INPP5D: variants seen among roughly 807,000 people sequenced by gnomAD.
INPP5D encodes phosphatidylinositol 3,4,5-trisphosphate 5-phosphatase 1.
INPP5D carries 33 observed loss-of-function variants against 122.9 expected under a neutral mutation model. That is an observed-to-expected ratio of 0.27 (90% CI 0.20 to 0.36). The LOEUF is 0.36. Ranked by LOEUF, INPP5D falls within the 10% of genes least tolerant of loss-of-function variation. The pLI is 1.00. For synonymous variants in INPP5D, 584 were observed against 576.2 expected (o/e 1.01, Z -0.19); for missense variants, 1,053 against 1,412.7 (o/e 0.75, Z 4.08).
intron 24 of INPP5D, 93 bp downstream of exon 24, chr2:233,195,588 C>T: frequency 6.4e-7 from 1 of 1,569,562 alleles, no homozygotes. Flanking sequence ...GGTTCACGCC[C>T]ATAATCCCGG....
At chr2:233,067,237 A>ATAG (rs1255553023) in intron 1 of INPP5D, among the ~76,000 whole-genome samples, 1 of 152,244 alleles carries the variant, frequency 6.6e-6, no homozygotes, top group Non-Finnish European at 1.5e-5. Context: ...CCCTGGCAGC[A>ATAG]ACTAAATGAC....
chr2:233,163,842 A>G lies in INPP5D; in HGVS notation c.1376A>G (p.Lys459Arg). 1.2e-6 allele frequency: 2 copies of G among 1,613,996 alleles called. No homozygotes were observed. Among genetic ancestry groups the G allele is most frequent in the Non-Finnish European group, 1.7e-6 (2 of 1,179,876 alleles). Residue 459 changes from lysine (K) to arginine (R), a missense_variant, in exon 12 of 27, where the codon AAG becomes AGG. By Grantham distance (26) the Lys-to-Arg change is conservative. Around this residue, in one of 6 missense-constraint regions of INPP5D, gnomAD observed 105 missense variants for 199.8 expected, o/e 0.53. Transcript: ENST00000445964. Reference sequence around the variant, plus strand: ...ACCCAAGAGGACCCCCTGAGTGAGAAGGAGTGGCTGGAGATCCTCAAACAC... The same window carrying G: ...ACCCAAGAGGACCCCCTGAGTGAGAGGGAGTGGCTGGAGATCCTCAAACAC... Reference protein sequence around the residue: ...IGTQEDPLSEKEWLEILKHSL... With the variant: ...IGTQEDPLSEREWLEILKHSL...
At chr2:233,193,381 G>T (rs960923480) in intron 22 of INPP5D, among the ~76,000 whole-genome samples, 1 of 152,210 alleles carries the variant, frequency 6.6e-6, no homozygotes, top group African/African-American at 2.4e-5. Context: ...ATCTGCTGGA[G>T]AGGGTACCCT....
chr2:233,182,204 G>A (rs1215456522), intron 18 of INPP5D, among the ~76,000 whole-genome samples: 20 of 152,180 alleles, frequency 1.3e-4, no homozygotes, highest in Admixed American at 1.3e-3. Flanking sequence ...ATGAGCACAG[G>A]CTTCTTCTGT....
At chr2:233,145,998 G>T (rs1378400601) in intron 6 of INPP5D, 164 bp from the exon 7 acceptor site, 1 of 701,698 alleles carries the variant, frequency 1.4e-6, no homozygotes, top group Non-Finnish European at 2.6e-6. Context: ...TGAGAAGATT[G>T]TAGAGATCCC....
intron 18 of INPP5D, among the ~76,000 whole-genome samples, chr2:233,179,177 T>C (rs1357742151): frequency 6.6e-6 from 1 of 152,104 alleles, no homozygotes; most frequent in African/African-American, 2.4e-5. Flanking sequence ...GCCAGGGCAT[T>C]GTTCCAGCTT....
rs916972298 is a variant in INPP5D, at chr2:233,158,329, G to A, written c.1047G>A (p.Lys349=). 8 of 703,330 alleles carry A rather than the reference G, an allele frequency of 1.1e-5. No homozygotes were observed. Among genetic ancestry groups the A allele is most frequent in the Non-Finnish European group, 2.1e-5 (8 of 384,746 alleles). 43.6% of individuals were successfully genotyped at this position (703,330 alleles called of 1,614,324 possible). A position where few individuals can be genotyped will look rare whatever the true frequency, so the allele number is the denominator to read the frequency against. ...TCTCTTAAGTCCTGCAGCTCATTAA[G>A]TCACAGAAATTTCTGAATAAGTTGG... is the stretch of plus-strand genomic sequence containing the variant. ...YSHKKILQLI[K]SQKFLNKLVI... is the part of the protein sequence containing the mutation. Residue 349 remains lysine, a synonymous_variant, in exon 10 of 27, where the codon AAG becomes AAA. Coordinates refer to ENST00000445964, the MANE Select transcript of INPP5D (RefSeq NM_001017915.3).
chr2:233,103,501 C>T (rs1044109207), intron 2 of INPP5D, among the ~76,000 whole-genome samples: 2 of 151,988 alleles, frequency 1.3e-5, no homozygotes, highest in African/African-American at 4.8e-5. Flanking sequence ...TCAAAGGCAC[C>T]AGAACACACA....
chr2:233,085,752 G>T (rs1039534527), intron 2 of INPP5D, among the ~76,000 whole-genome samples: 1 of 152,018 alleles, frequency 6.6e-6, no homozygotes, highest in Non-Finnish European at 1.5e-5. Flanking sequence ...CCTCCCTCTT[G>T]TGTGGCTGCA....
At chr2:233,203,314 G>C (rs1695389185) in intron 25 of INPP5D, among the ~76,000 whole-genome samples, 1 of 152,166 alleles carries the variant, frequency 6.6e-6, no homozygotes, top group African/African-American at 2.4e-5. Context: ...TGTTGACTGG[G>C]GAGGTGGGAA....
intron 2 of INPP5D, among the ~76,000 whole-genome samples, chr2:233,102,864 A>AG (rs1296336437): frequency 5.4e-5 from 8 of 148,780 alleles, no homozygotes; most frequent in Admixed American, 5.3e-4. Context: ...AAAAAAAAAA[A>AG]CAACCAAAAA....
chr2:233,139,403 A>C (rs1361297521), intron 5 of INPP5D, among the ~76,000 whole-genome samples: 1 of 152,084 alleles, frequency 6.6e-6, no homozygotes, highest in African/African-American at 2.4e-5. Flanking sequence ...GGCAGCCCTA[A>C]TATTTAAAAT....
rs146929522 is a variant in INPP5D, at chr2:233,107,888, A to G, written c.199-14219A>G. Among the ~76,000 whole-genome samples the G allele has an allele frequency of 2.0e-5, 3 of 152,122 alleles. No individual in the cohort carries two copies. In the East Asian group the frequency reaches 5.8e-4, roughly 29 times the overall value. On this transcript the variant is annotated intron_variant, in intron 2 of 26. Transcript: ENST00000445964. ...CTTGGGCCTCTTCCCCAGCGCTGCC[A>G]CGGCACTCCCTTCTGCACACTGAGA...
At chr2:233,124,832 A>G (rs1693105585) in intron 3 of INPP5D, among the ~76,000 whole-genome samples, 1 of 152,240 alleles carries the variant, frequency 6.6e-6, no homozygotes, top group Admixed American at 6.5e-5. Context: ...GAGGTCGCCC[A>G]GTTGTCGGCT....
chr2:233,081,368 C>CT (rs1385395681), intron 2 of INPP5D, among the ~76,000 whole-genome samples: 2 of 152,196 alleles, frequency 1.3e-5, no homozygotes, highest in African/African-American at 4.8e-5. Context: ...GGCAAACTCT[C>CT]TTAAGTTAAA....
At position 233,164,297 on chromosome 2, in the gene INPP5D, C is replaced by T. The variant is rs909396672; in HGVS notation, c.1438-10C>T. On this transcript the variant is annotated splice_polypyrimidine_tract_variant and intron_variant, in intron 12 of 26. Coordinates refer to ENST00000445964, the MANE Select transcript of INPP5D (RefSeq NM_001017915.3). This position sits in a 1 kb window ranked among gnomAD's most constrained non-coding sequence, Gnocchi z 4.3. ...TTGGGCCGAGTATTGCAACGTTGTC[C>T]TCCCACCAGGTCGCCATCCACACGC... 6.5e-6 allele frequency: 10 copies of T among 1,546,252 alleles called. No homozygotes were observed. The South Asian group carries it at 9.6e-5, about 15-fold the overall frequency.
At chr2:233,131,222 T>C in intron 5 of INPP5D, 1 of 617,928 alleles carries the variant, frequency 1.6e-6, no homozygotes, top group Non-Finnish European at 2.0e-6. Context: ...ATTTAATTGA[T>C]GAAAGTTAAT....
chr2:233,073,128 G>A (rs1691424461), intron 1 of INPP5D, among the ~76,000 whole-genome samples: 1 of 152,202 alleles, frequency 6.6e-6, no homozygotes, highest in African/African-American at 2.4e-5. Flanking sequence ...GGGTAAAGCA[G>A]CCCCCGGAGA....
Position 233,146,255 on chromosome 2 carries a change from C to T in INPP5D, c.834+13C>T. 1 of 704,314 alleles carries T rather than the reference C, an allele frequency of 1.4e-6. No homozygotes were observed. Among genetic ancestry groups the T allele is most frequent in the East Asian group, 2.7e-5 (1 of 37,422 alleles). The allele number at this position is 704,314 out of a possible 1,614,324, so 43.6% of individuals were successfully genotyped here. On this transcript the variant is annotated intron_variant, in intron 7 of 26. Coordinates refer to ENST00000445964, the MANE Select transcript of INPP5D (RefSeq NM_001017915.3). ...CATTGAAGACAAGGTACGTGTGGGG[C>T]TCCTGCGGCTTCTCTTGGTCTCCTC...
Sources: gnomAD v4.1 joint callset for allele counts (sites outside exome capture counted in the v4.1 genomes callset) on GRCh38, gnomAD v4.1.1 for gene constraint, gnomAD v4.1.1 regional missense constraint, Gnocchi (gnomAD v3.1) non-coding constraint, MANE v1.5 for transcripts, NCBI Gene and HGNC (gene_info 2026-07-23, HGNC 2026-07-21) for gene names.